ARHGEF18: variants seen among roughly 807,000 people sequenced by gnomAD.
The protein encoded by ARHGEF18 is rho guanine nucleotide exchange factor 18.
In ARHGEF18, 93 loss-of-function variants were observed where a neutral mutation model predicts 155.7. The observed-to-expected ratio is 0.60, with a 90% CI of 0.50 to 0.71. The LOEUF (loss-of-function observed/expected upper bound fraction) is 0.71, where lower values mean the gene tolerates loss of function less well. Among genes scored for constraint, ARHGEF18 ranks in the 30% least tolerant of loss-of-function variants. The pLI is 0.00. For synonymous variants in ARHGEF18, 742 were observed against 753.1 expected (o/e 0.99, Z 0.24); for missense variants, 1,593 against 1,816.1 (o/e 0.88, Z 2.23).
chr19:7,375,903 GCA>G (rs1970439876), intron 4 of ARHGEF18, 33 bp downstream of exon 4: 1 of 1,234,156 alleles, frequency 8.1e-7, no homozygotes, highest in Non-Finnish European at 1.0e-6. Flanking sequence ...CCTGACAATA[GCA>G]CACTTTTGGG....
At chr19:7,390,177 A>G (rs1206850510) in intron 10 of ARHGEF18, among the ~76,000 whole-genome samples, 1 of 152,192 alleles carries the variant, frequency 6.6e-6, no homozygotes, top group African/African-American at 2.4e-5. Flanking sequence ...CCTGTGCCAC[A>G]GAGCAAGACC....
rs1971638334 is a variant in ARHGEF18 at position 7,395,353 on chromosome 19, G to T, written c.967+12150G>T. On this transcript the variant is annotated intron_variant, in intron 10 of 28. Coordinates refer to ENST00000668164, the MANE Select transcript of ARHGEF18 (RefSeq NM_001367823.1). The surrounding 1 kb of genome is among the most constrained non-coding windows in gnomAD (Gnocchi z 5.0). ...CGCGGGACCCCCGGGGCTGCCTCGG[G>T]CCTCCCGCCGGCTCCTGGGGGACTT... is the stretch of plus-strand genomic sequence containing the variant. The T allele has an allele frequency of 1.0e-6, 1 of 977,132 alleles. No homozygotes were observed. 60.5% of individuals were successfully genotyped at this position (977,132 alleles called of 1,614,324 possible).
intron 10 of ARHGEF18, among the ~76,000 whole-genome samples, chr19:7,437,021 C>T (rs868483015): frequency 6.6e-6 from 1 of 152,196 alleles, no homozygotes; most frequent in Non-Finnish European, 1.5e-5. Flanking sequence ...TGCTGTTACA[C>T]AGCTTAGTGG....
At chr19:7,443,620 T>C (rs1341396957) in intron 13 of ARHGEF18, among the ~76,000 whole-genome samples, 1 of 152,166 alleles carries the variant, frequency 6.6e-6, no homozygotes, top group Non-Finnish European at 1.5e-5. Flanking sequence ...AATTTCGACA[T>C]ACGAATTTTG....
At chr19:7,405,146 A>G (rs556359285) in intron 10 of ARHGEF18, among the ~76,000 whole-genome samples, 2 of 151,842 alleles carry the variant, frequency 1.3e-5, no homozygotes, top group Non-Finnish European at 2.9e-5. Flanking sequence ...TTTAGTAGAC[A>G]CGAGGTTTCA....
chr19:7,413,526 C>T (rs1972822016), intron 10 of ARHGEF18, among the ~76,000 whole-genome samples: 1 of 152,042 alleles, frequency 6.6e-6, no homozygotes, highest in African/African-American at 2.4e-5. Context: ...TGGTTTCGAT[C>T]TCCTGACCTC....
Position 7,467,372 on chromosome 19 carries a change from G to A in ARHGEF18, c.3168G>A (p.Leu1056=), listed in dbSNP as rs371328822. Residue 1056 remains leucine, a synonymous_variant, in exon 26 of 29, where the codon CTG becomes CTA. Transcript: ENST00000668164. ...FEKQREERAA[L]EKLQSQLRHE... ...AGCAGCGGGAGGAGCGCGCGGCCCT[G>A]GAGAAGCTGCAGAGCCAGCTGCGGC... The A allele has an allele frequency of 5.2e-6, 8 of 1,533,898 alleles. No individual in the cohort carries two copies. The highest frequency in any genetic ancestry group is 6.1e-6 in the Non-Finnish European group (7 of 1,145,756).
At chr19:7,450,346 G>C (rs997115798) in intron 15 of ARHGEF18, among the ~76,000 whole-genome samples, 158 of 152,184 alleles carry the variant, frequency 1.0e-3, no homozygotes, top group African/African-American at 3.7e-3. Flanking sequence ...TTTCCAAGAT[G>C]TTAATGCGGG....
chr19:7,441,951 A>G lies in ARHGEF18; in HGVS notation c.1259A>G (p.Asp420Gly), dbSNP rs1974675610. Reference protein sequence around the residue: ...TASLRSEIESDGHEFEAESWS... With the variant: ...TASLRSEIESGGHEFEAESWS... ...TCGCTGAGGAGTGAGATTGAGTCAG[A>G]CGGCCACGAGTTTGAAGCTGAGTCC... The change falls in exon 13 of 29, where the codon GAC (aspartate) becomes GGC (glycine). Residue 420 changes from aspartate to glycine, a missense_variant. Transcript: ENST00000668164. 6.2e-7 allele frequency: 1 copy of G among 1,614,076 alleles called. No individual in the cohort carries two copies. Among genetic ancestry groups the G allele is most frequent in the East Asian group, 2.2e-5 (1 of 44,870 alleles).
intron 1 of ARHGEF18, among the ~76,000 whole-genome samples, chr19:7,360,854 G>A (rs1265321267): frequency 6.6e-6 from 1 of 152,210 alleles, no homozygotes; most frequent in African/African-American, 2.4e-5. Context: ...GAGAACAGAT[G>A]CAAAGCTTAA....
At chr19:7,374,850 G>A (rs1970360983) in intron 3 of ARHGEF18, among the ~76,000 whole-genome samples, 1 of 152,146 alleles carries the variant, frequency 6.6e-6, no homozygotes, top group African/African-American at 2.4e-5. Context: ...AAGCCACCAT[G>A]CAGTTATGAT....
downstream of ARHGEF18, among the ~76,000 whole-genome samples, chr19:7,475,671 CCAGG>C (rs1770177834): frequency 6.6e-6 from 1 of 152,172 alleles, no homozygotes; most frequent in Admixed American, 6.5e-5. Context: ...CCTTCCCAGC[CCAGG>C]CTGTATCCCT....
intron 2 of ARHGEF18, among the ~76,000 whole-genome samples, chr19:7,370,471 G>C (rs1242798795): frequency 2.0e-5 from 3 of 152,026 alleles, no homozygotes; most frequent in Non-Finnish European, 2.9e-5. Context: ...ACTCCAGCCT[G>C]GGCAACAGAG....
At chr19:7,459,716 C>T (rs1255070243) in intron 19 of ARHGEF18, among the ~76,000 whole-genome samples, 187 bp from the exon 20 acceptor site, 2 of 152,204 alleles carry the variant, frequency 1.3e-5, no homozygotes, top group Non-Finnish European at 2.9e-5. Flanking sequence ...TATGCCCTGG[C>T]GCTTTGGGGC....
downstream of ARHGEF18, among the ~76,000 whole-genome samples, chr19:7,473,549 C>T (rs557559181): frequency 3.9e-5 from 6 of 152,036 alleles, no homozygotes; most frequent in East Asian, 1.9e-4. Flanking sequence ...CAGTGGCTCA[C>T]GCGTGTAATC....
intron 2 of ARHGEF18, among the ~76,000 whole-genome samples, chr19:7,366,858 A>T (rs1180279502): frequency 6.6e-6 from 1 of 151,704 alleles, no homozygotes; most frequent in Non-Finnish European, 1.5e-5. Context: ...TGCCTCCTGA[A>T]CTCAAGCAAC....
intron 10 of ARHGEF18, among the ~76,000 whole-genome samples, chr19:7,419,991 T>TCCACACCCACACTCGGCCC (rs1973257018): frequency 7.0e-6 from 1 of 142,804 alleles, no homozygotes; most frequent in Non-Finnish European, 1.5e-5. Flanking sequence ...ACACTCGGCC[T>TCCACACCCACACTCGGCCC]CCACACCCAC....
intron 22 of ARHGEF18, 91 bp downstream of exon 22, chr19:7,464,046 T>C: frequency 6.9e-7 from 1 of 1,439,940 alleles, no homozygotes; most frequent in East Asian, 2.5e-5. Context: ...CTTTCTTTTT[T>C]GTTGTTGTTG....
chr19:7,427,888 G>T (rs1973750337), intron 10 of ARHGEF18, among the ~76,000 whole-genome samples: 1 of 152,000 alleles, frequency 6.6e-6, no homozygotes, highest in Non-Finnish European at 1.5e-5. Context: ...AGTCTGCAGT[G>T]AGCCAAGATC....
Sources: allele counts gnomAD v4.1 joint callset (sites outside exome capture counted in the v4.1 genomes callset), GRCh38; gene constraint gnomAD v4.1.1; non-coding constraint Gnocchi (gnomAD v3.1); transcripts MANE v1.5; gene names NCBI Gene and HGNC (gene_info 2026-07-23, HGNC 2026-07-21).